Variants in PSMB9 observed in about 807,000 individuals in gnomAD.
The protein encoded by PSMB9 is proteasome 20S subunit beta 9, also known as proteasome subunit beta type-9.
In PSMB9, 16 loss-of-function variants were observed where a neutral mutation model predicts 26.9. That is an observed-to-expected ratio of 0.59 (90% CI 0.40 to 0.90). PSMB9 has a LOEUF of 0.90. Among genes scored for constraint, PSMB9 ranks in the 40% least tolerant of loss-of-function variants. The probability of loss-of-function intolerance (pLI) is 0.00; values close to 1 mark genes in which losing one functional copy is unlikely to be tolerated. For missense variants in PSMB9, 253 were observed against 292.2 expected, an observed-to-expected ratio of 0.87 and a Z score of 0.98; for synonymous variants, 91 against 112.0, an observed-to-expected ratio of 0.81 and a Z score of 1.18.
At chr6:32,857,142 G>A in intron 2 of PSMB9, 121 bp from the exon 3 acceptor site, 1 of 1,152,016 alleles carries the variant, frequency 8.7e-7, no homozygotes, top group Non-Finnish European at 1.2e-6. Context: ...GAAGTTTGCA[G>A]TGAGCCCAAG....
Position 32,854,366 on chromosome 6 carries a change from G to A in PSMB9, c.60+77G>A. The A allele has an allele frequency of 7.3e-7, 1 of 1,377,774 alleles. No homozygotes were observed. The highest frequency in any genetic ancestry group is 1.5e-5 in the South Asian group (1 of 65,326). The allele number at this position is 1,377,774 out of a possible 1,614,324, so 85.3% of individuals were successfully genotyped here. ...CCAGGGGACCCTGGAAGCGCGCGCG[G>A]AGAAGTGAATGCAGAGACCAACGGG... On this transcript the variant is annotated intron_variant, in intron 1 of 5. Coordinates refer to ENST00000374859, the MANE Select transcript of PSMB9 (RefSeq NM_002800.5). This position sits in a 1 kb window ranked among gnomAD's most constrained non-coding sequence, Gnocchi z 4.6.
Position 32,857,295 on chromosome 6 carries a change from T to G in PSMB9, c.161T>G (p.Leu54Arg). The G allele has an allele frequency of 6.2e-7, 1 of 1,609,664 alleles. No homozygotes were observed. The highest frequency in any genetic ancestry group is 8.5e-7 in the Non-Finnish European group (1 of 1,178,240). ...GTGGTGAACCGAGTGTTTGACAAGC[T>G]GTCCCCGCTGCACGAGCGCATCTAC... ...EAVVNRVFDK[L>R]SPLHERIYCA... Residue 54 changes from leucine to arginine, a missense_variant, in exon 3 of 6, where the codon CTG (leucine) becomes CGG (arginine). Coordinates refer to ENST00000374859, the MANE Select transcript of PSMB9 (RefSeq NM_002800.5).
At chr6:32,857,736 TA>T (rs1374874018) in intron 3 of PSMB9, 1 of 555,666 alleles carries the variant, frequency 1.8e-6, no homozygotes, top group African/African-American at 1.9e-5. Context: ...GGGACGGAAG[TA>T]ACCTTATCTG....
At chr6:32,857,124 A>G (rs1771191900) in intron 2 of PSMB9, 139 bp from the exon 3 acceptor site, 2 of 883,436 alleles carry the variant, frequency 2.3e-6, no homozygotes, top group East Asian at 6.1e-5. Flanking sequence ...CACTTGAACC[A>G]GGGAGGCGAA....
intron 1 of PSMB9, 95 bp from the exon 2 acceptor site, chr6:32,856,043 A>C (rs890442431): frequency 8.9e-7 from 1 of 1,119,544 alleles, no homozygotes; most frequent in African/African-American, 1.5e-5. Context: ...TCTTTGAGCC[A>C]GTCACTTCGC....
Position 32,859,817 on chromosome 6 carries a change from G to A in PSMB9, c.*285G>A, listed in dbSNP as rs376797982. Among the ~76,000 whole-genome samples, 2 of 152,214 alleles carry A rather than the reference G, an allele frequency of 1.3e-5. No homozygotes were observed. The highest frequency in any genetic ancestry group is 1.5e-5 in the Non-Finnish European group (1 of 68,020). The stretch of plus-strand genomic sequence containing the variant: ...TACAAACAATAAAAATTCTCATTCC[G>A]CATCATCATGCGGTCCATGATGATG... On this transcript the variant is annotated 3_prime_UTR_variant, in exon 6 of 6. Transcript: ENST00000374859.
Position 32,857,275 on chromosome 6 carries a change from G to T in PSMB9, c.141G>T (p.Val47=). The T allele has an allele frequency of 6.2e-7, 1 of 1,605,620 alleles. No individual in the cohort carries two copies. Residue 47 remains valine (V), a synonymous_variant, in exon 3 of 6, where the codon GTG becomes GTT. Coordinates refer to ENST00000374859, the MANE Select transcript of PSMB9 (RefSeq NM_002800.5). Reference sequence around the variant, plus strand: ...TCCCTCCTGACAGCGAGGCGGTGGTGAACCGAGTGTTTGACAAGCTGTCCC... The same window carrying T: ...TCCCTCCTGACAGCGAGGCGGTGGTTAACCGAGTGTTTGACAAGCTGTCCC... ...DSRVSAGEAV[V]NRVFDKLSPL... is the part of the protein sequence containing the mutation.
chr6:32,857,327 C>T lies in PSMB9; in HGVS notation c.193C>T (p.Leu65Phe), dbSNP rs1470819030. 4.3e-6 allele frequency: 7 copies of T among 1,612,706 alleles called. No homozygotes were observed. In the Admixed American group the frequency reaches 1.0e-4, roughly 23 times the overall value. Residue 65 changes from leucine (L) to phenylalanine (F), a missense_variant, in exon 3 of 6, where the codon CTC (leucine) becomes TTC (phenylalanine). Physicochemically the swap from Leu to Phe is conservative, Grantham distance 22. Coordinates refer to ENST00000374859, the MANE Select transcript of PSMB9 (RefSeq NM_002800.5). ...GCTGCACGAGCGCATCTACTGTGCA[C>T]TCTCTGGTTCAGCTGCTGATGCCCA... ...SPLHERIYCA[L>F]SGSAADAQAV...
chr6:32,856,471 AG>A, intron 2 of PSMB9: 1 of 389,378 alleles, frequency 2.6e-6, no homozygotes, highest in South Asian at 7.2e-5. Context: ...GGGGGACAGG[AG>A]ATAGATTTTT....
rs760536932 is a variant in PSMB9 at position 32,858,420 on chromosome 6, C to T, written c.447C>T (p.Ser149=). The T allele has an allele frequency of 4.3e-6, 7 of 1,612,964 alleles. No individual in the cohort carries two copies. Among genetic ancestry groups the T allele is most frequent in the East Asian group, 2.2e-5 (1 of 44,886 alleles). ...GACAGCCTTTTGCCATTGGTGGCTCCGGCAGCACCTTTATCTATGGTTATG... is the reference window on the plus strand; with the variant it reads ...GACAGCCTTTTGCCATTGGTGGCTCTGGCAGCACCTTTATCTATGGTTATG... ...LTRQPFAIGG[S]GSTFIYGYVD... Residue 149 remains serine (S), a synonymous_variant, in exon 5 of 6, where the codon TCC becomes TCT. Coordinates refer to ENST00000374859, the MANE Select transcript of PSMB9 (RefSeq NM_002800.5). This position sits in a 1 kb window ranked among gnomAD's most constrained non-coding sequence, Gnocchi z 5.2.
chr6:32,858,991 G>A lies in PSMB9; in HGVS notation c.533-414G>A, dbSNP rs948931474. ...CATCTGAGCCGGGGAGATCAAGGCT[G>A]TAGTGAGCGGTGATTGCACCACTGC... On this transcript the variant is annotated intron_variant, in intron 5 of 5. Transcript: ENST00000374859. This position sits in a 1 kb window ranked among gnomAD's most constrained non-coding sequence, Gnocchi z 5.2. 6.2e-5 allele frequency: 14 copies of A among 227,258 alleles called. No individual in the cohort carries two copies. Among genetic ancestry groups the A allele is most frequent in the Non-Finnish European group, 1.2e-4 (14 of 114,638 alleles). 14.1% of individuals were successfully genotyped at this position (227,258 alleles called of 1,614,324 possible).
At chr6:32,857,153 A>T in intron 2 of PSMB9, 110 bp from the exon 3 acceptor site, 4 of 1,289,144 alleles carry the variant, frequency 3.1e-6, no homozygotes, top group Non-Finnish European at 4.1e-6. Context: ...TGAGCCCAAG[A>T]TTGATCCACT....
At chr6:32,855,812 G>C (rs116053981) in intron 1 of PSMB9, among the ~76,000 whole-genome samples, 2 of 152,140 alleles carry the variant, frequency 1.3e-5, no homozygotes, top group Non-Finnish European at 2.9e-5. Flanking sequence ...TTTCACTTGC[G>C]GAGCTGCTTC....
intron 3 of PSMB9, 140 bp downstream of exon 3, chr6:32,857,534 T>G: frequency 2.8e-6 from 3 of 1,067,800 alleles, no homozygotes; most frequent in Non-Finnish European, 3.9e-6. Context: ...CACTTGAATC[T>G]GTCAGTTTCT....
Position 32,854,461 on chromosome 6 carries a change from A to AG in PSMB9, c.60+178dup, listed in dbSNP as rs1294347616. Among the ~76,000 whole-genome samples, 1 of 151,858 alleles carries AG rather than the reference A, an allele frequency of 6.6e-6. No individual in the cohort carries two copies. The highest frequency in any genetic ancestry group is 2.4e-5 in the African/African-American group (1 of 41,294). ...ATGAGCATAGAGTATTTCTTTTCTG[A>AG]GGGGGGTCGTCTAGAGTGTCCGTGA... On this transcript the variant is annotated intron_variant, in intron 1 of 5. Transcript: ENST00000374859. The surrounding 1 kb of genome is among the most constrained non-coding windows in gnomAD (Gnocchi z 4.6).
Position 32,858,550 on chromosome 6 carries a change from T to G in PSMB9, c.532+45T>G. 6.2e-7 allele frequency: 1 copy of G among 1,611,728 alleles called. No homozygotes were observed. The highest frequency in any genetic ancestry group is 8.5e-7 in the Non-Finnish European group (1 of 1,179,738). On this transcript the variant is annotated intron_variant, in intron 5 of 5. Coordinates refer to ENST00000374859, the MANE Select transcript of PSMB9 (RefSeq NM_002800.5). The surrounding 1 kb of genome is among the most constrained non-coding windows in gnomAD (Gnocchi z 5.2). ...GGTACCTGGGGAGGGCTTTGAAACA[T>G]GGGAAGGAAGTAGATTATGAGGAAC... is the stretch of plus-strand genomic sequence containing the variant.
rs933607119 is a variant in PSMB9 at position 32,854,371 on chromosome 6, G to A, written c.60+82G>A. On this transcript the variant is annotated intron_variant, in intron 1 of 5. Coordinates refer to ENST00000374859, the MANE Select transcript of PSMB9 (RefSeq NM_002800.5). The surrounding 1 kb of genome is among the most constrained non-coding windows in gnomAD (Gnocchi z 4.6). ...GGACCCTGGAAGCGCGCGCGGAGAA[G>A]TGAATGCAGAGACCAACGGGAGCGC... 3 of 1,345,098 alleles carry A rather than the reference G, an allele frequency of 2.2e-6. No homozygotes were observed. In the African/African-American group the frequency reaches 4.6e-5, roughly 21 times the overall value. The allele number at this position is 1,345,098 out of a possible 1,614,324, so 83.3% of individuals were successfully genotyped here. A position where few individuals can be genotyped will look rare whatever the true frequency, so the allele number is the denominator to read the frequency against.
chr6:32,858,234 C>A lies in PSMB9; in HGVS notation c.390+100C>A. 1 of 1,593,472 alleles carries A rather than the reference C, an allele frequency of 6.3e-7. No individual in the cohort carries two copies. Among genetic ancestry groups the A allele is most frequent in the South Asian group, 1.1e-5 (1 of 88,922 alleles). The stretch of plus-strand genomic sequence containing the variant: ...ATTCTAGCAATGAGTTCCAAGGACA[C>A]TACCTCTGAAAGCATAGTACTTTGG... On this transcript the variant is annotated intron_variant, in intron 4 of 5. Coordinates refer to ENST00000374859, the MANE Select transcript of PSMB9 (RefSeq NM_002800.5). The surrounding 1 kb of genome is among the most constrained non-coding windows in gnomAD (Gnocchi z 5.2).
At position 32,859,418 on chromosome 6, in the gene PSMB9, C is replaced by G. The variant is rs754138963; in HGVS notation, c.546C>G (p.Ala182=). ...RRFTTDAIAL[A]MSRDGSSGGV... ...AACCCTCTGCAGCTATTGCTCTGGC[C>G]ATGAGCCGGGATGGCTCAAGCGGGG... The change falls in exon 6 of 6, where the codon GCC becomes GCG. Residue 182 remains alanine (A), a synonymous_variant. Transcript: ENST00000374859. The G allele has an allele frequency of 6.2e-7, 1 of 1,611,974 alleles. No individual in the cohort carries two copies. The highest frequency in any genetic ancestry group is 2.2e-5 in the East Asian group (1 of 44,762).
Sources: gnomAD v4.1 joint callset for allele counts (sites outside exome capture counted in the v4.1 genomes callset) on GRCh38, gnomAD v4.1.1 for gene constraint, Gnocchi (gnomAD v3.1) non-coding constraint, MANE v1.5 for transcripts, NCBI Gene and HGNC (gene_info 2026-07-23, HGNC 2026-07-21) for gene names.